The following RGS21 variants were observed in gnomAD, a reference collection of about 807,000 sequenced individuals.
The protein encoded by RGS21 is regulator of G-protein signalling 21.
Under a neutral mutation model 18.7 loss-of-function variants are expected in RGS21, and 19 were observed. The observed-to-expected ratio is 1.01, with a 90% confidence interval of 0.71 to 1.49. RGS21 has a LOEUF of 1.49. RGS21 is among the 40% of genes most tolerant of loss of function. The pLI, the probability that RGS21 is intolerant of heterozygous loss-of-function variation, is 0.00. For synonymous variants in RGS21, 56 were observed against 57.8 expected (o/e 0.97, Z 0.14); for missense variants, 194 against 176.8 (o/e 1.10, Z -0.55).
At chr1:192,343,396 A>G (rs1658902634) in intron 2 of RGS21, among the ~76,000 whole-genome samples, 1 of 152,074 alleles carries the variant, frequency 6.6e-6, no homozygotes, top group Non-Finnish European at 1.5e-5. Context: ...TTTTACATGG[A>G]TATTAAATGC....
At chr1:192,330,742 G>A (rs901587255) in intron 1 of RGS21, among the ~76,000 whole-genome samples, 7 of 152,264 alleles carry the variant, frequency 4.6e-5, no homozygotes, top group South Asian at 2.1e-4. Context: ...AAATGTGAGC[G>A]ATATCTAAAT....
At chr1:192,321,784 A>G (rs1658501499) in intron 1 of RGS21, among the ~76,000 whole-genome samples, 2 of 152,096 alleles carry the variant, frequency 1.3e-5, no homozygotes, top group South Asian at 2.1e-4. Flanking sequence ...ATCTGAAGAG[A>G]ATATGATATT....
chr1:192,356,040 A>G (rs1351855087), intron 4 of RGS21, among the ~76,000 whole-genome samples: 1 of 151,798 alleles, frequency 6.6e-6, no homozygotes, highest in African/African-American at 2.4e-5. Context: ...AAGTCAAAAA[A>G]CAGCAGAAAA....
chr1:192,355,773 T>C (rs1659103154), intron 4 of RGS21, among the ~76,000 whole-genome samples: 2 of 149,436 alleles, frequency 1.3e-5, no homozygotes, highest in Non-Finnish European at 3.0e-5. Flanking sequence ...ATTTGAAAAA[T>C]AATAATATTT....
chr1:192,359,271 G>GT (rs77140863), intron 4 of RGS21, among the ~76,000 whole-genome samples: 15 of 151,828 alleles, frequency 9.9e-5, no homozygotes, highest in East Asian at 9.7e-4. Flanking sequence ...ATGTGGCACT[G>GT]TTTTTTTTGG....
At position 192,367,223 on chromosome 1, in the gene RGS21, A is replaced by G. The variant is rs1480651761; in HGVS notation, c.*1099A>G. The G allele has an allele frequency of 1.8e-5, 2 of 111,082 alleles. No individual in the cohort carries two copies. Among genetic ancestry groups the G allele is most frequent in the African/African-American group, 5.4e-5 (2 of 37,190 alleles). 6.9% of individuals were successfully genotyped at this position (111,082 alleles called of 1,614,324 possible). A position where few individuals can be genotyped will look rare whatever the true frequency, so the allele number is the denominator to read the frequency against. ...TATTTTATGTTTTCACAAACTACTC[A>G]TTTGATAGACAAAATTTTGTCTTCC... is the stretch of plus-strand genomic sequence containing the variant. On this transcript the variant is annotated 3_prime_UTR_variant, in exon 5 of 5. Coordinates refer to ENST00000417209, the MANE Select transcript of RGS21 (RefSeq NM_001039152.3).
chr1:192,343,002 C>T lies in RGS21; in HGVS notation c.-35C>T. On this transcript the variant is annotated 5_prime_UTR_variant, in exon 2 of 5. Coordinates refer to ENST00000417209, the MANE Select transcript of RGS21 (RefSeq NM_001039152.3). ...CTTGAAGATCAGTCAGAAAGAGAAA[C>T]TCGGCATCATCTGTGACAGACAGTG... The T allele has an allele frequency of 1.2e-6, 2 of 1,610,848 alleles. No individual in the cohort carries two copies. The highest frequency in any genetic ancestry group is 1.7e-6 in the Non-Finnish European group (2 of 1,177,320).
chr1:192,335,723 G>A (rs548787376), intron 1 of RGS21, among the ~76,000 whole-genome samples: 2 of 152,274 alleles, frequency 1.3e-5, no homozygotes, highest in East Asian at 3.9e-4. Context: ...TTCTAAGAGG[G>A]TATAATTTTT....
At chr1:192,334,929 G>C (rs1658743452) in intron 1 of RGS21, among the ~76,000 whole-genome samples, 1 of 152,038 alleles carries the variant, frequency 6.6e-6, no homozygotes, top group South Asian at 2.1e-4. Context: ...TTGAAAGCCT[G>C]CCTAATGAGT....
At chr1:192,341,844 T>TTA (rs1166893824) in intron 1 of RGS21, among the ~76,000 whole-genome samples, 2 of 151,840 alleles carry the variant, frequency 1.3e-5, no homozygotes. Flanking sequence ...CAAGCATATA[T>TTA]TATAAAATTA....
intron 1 of RGS21, among the ~76,000 whole-genome samples, chr1:192,332,252 A>G (rs1658668292): frequency 6.6e-6 from 1 of 152,176 alleles, no homozygotes; most frequent in Non-Finnish European, 1.5e-5. Flanking sequence ...ATCTCATAAA[A>G]CCAGTAATAA....
chr1:192,325,788 ATTGGGTTGTTT>A (rs1380396407), intron 1 of RGS21, among the ~76,000 whole-genome samples: 3 of 151,872 alleles, frequency 2.0e-5, no homozygotes, highest in Non-Finnish European at 4.4e-5. Flanking sequence ...CCAATTTGTA[ATTGGGTTGTTT>A]TTTGCTTGTT....
chr1:192,346,439 C>A (rs1658945299), intron 2 of RGS21, among the ~76,000 whole-genome samples: 1 of 152,024 alleles, frequency 6.6e-6, no homozygotes, highest in Non-Finnish European at 1.5e-5. Context: ...TTAAATTGGA[C>A]CCTCTCTTTC....
chr1:192,340,526 A>G (rs1658842664), intron 1 of RGS21, among the ~76,000 whole-genome samples: 1 of 152,124 alleles, frequency 6.6e-6, no homozygotes, highest in South Asian at 2.1e-4. Flanking sequence ...AGGGTTTTAA[A>G]GAGAGGAGTT....
chr1:192,354,285 C>T (rs12561839), intron 4 of RGS21, among the ~76,000 whole-genome samples: 6,138 of 151,640 alleles, frequency 0.04, 283 homozygotes, highest in East Asian at 0.14. Flanking sequence ...ATTATTAGCA[C>T]GGTAGGAAAG....
At chr1:192,363,022 A>G (rs143523140) in intron 4 of RGS21, among the ~76,000 whole-genome samples, 4 of 152,292 alleles carry the variant, frequency 2.6e-5, no homozygotes, top group African/African-American at 9.6e-5. Flanking sequence ...AGACAAAAAG[A>G]CTTGTGAAAG....
intron 1 of RGS21, among the ~76,000 whole-genome samples, chr1:192,323,223 G>A (rs1017326410): frequency 6.6e-6 from 1 of 152,240 alleles, no homozygotes; most frequent in Admixed American, 6.6e-5. Flanking sequence ...AAACGCAGTT[G>A]CCTCTTTCTG....
At chr1:192,350,985 C>T (rs1345511855) in intron 3 of RGS21, among the ~76,000 whole-genome samples, 4 of 152,100 alleles carry the variant, frequency 2.6e-5, no homozygotes, top group East Asian at 1.9e-4. Context: ...TAGAAATCAC[C>T]GACTGCAAGC....
At chr1:192,357,304 A>G (rs973121162) in intron 4 of RGS21, among the ~76,000 whole-genome samples, 4 of 151,818 alleles carry the variant, frequency 2.6e-5, no homozygotes, top group Admixed American at 6.6e-5. Flanking sequence ...GAAGCCTAGT[A>G]TTGTGTGTGT....
Sources: gnomAD v4.1 joint callset for allele counts (sites outside exome capture counted in the v4.1 genomes callset) on GRCh38, gnomAD v4.1.1 for gene constraint, MANE v1.5 for transcripts, NCBI Gene and HGNC (gene_info 2026-07-23, HGNC 2026-07-21) for gene names.